The following TRIM67 variants were observed in gnomAD, a reference collection of about 807,000 sequenced individuals.
TRIM67 encodes tripartite motif containing 67, also known as tripartite motif-containing protein 67.
In TRIM67, 39 loss-of-function variants were observed where a neutral mutation model predicts 71.0. That is an observed-to-expected ratio of 0.55 (90% confidence interval 0.43 to 0.72). The LOEUF (loss-of-function observed/expected upper bound fraction) is 0.72. TRIM67 is among the 30% of genes least tolerant of loss of function. TRIM67 has a pLI of 0.00. For missense variants in TRIM67, 973 were observed against 1,079.2 expected, an observed-to-expected ratio of 0.90 and a Z score of 1.38; for synonymous variants, 481 against 473.9, an observed-to-expected ratio of 1.01 and a Z score of -0.19.
intron 1 of TRIM67, among the ~76,000 whole-genome samples, chr1:231,179,952 G>A (rs565670640): frequency 8.2e-4 from 125 of 152,244 alleles, no homozygotes; most frequent in African/African-American, 2.8e-3. Flanking sequence ...GAGATGGCAG[G>A]TTTCAAAGGG....
At chr1:231,202,749 G>T (rs1305087298) in intron 5 of TRIM67, among the ~76,000 whole-genome samples, 1 of 152,202 alleles carries the variant, frequency 6.6e-6, no homozygotes, top group African/African-American at 2.4e-5. Flanking sequence ...CTCCAGGAAG[G>T]TCTGGAAAGG....
chr1:231,182,692 C>A (rs1682939419), intron 1 of TRIM67, among the ~76,000 whole-genome samples: 2 of 152,162 alleles, frequency 1.3e-5, no homozygotes, highest in African/African-American at 4.8e-5. Context: ...AGGGTGGGTA[C>A]CGGCTCTGCC....
In TRIM67 at chr1:231,217,403, C is replaced by A. The variant is rs1382899255; in HGVS notation, c.*1963C>A. ...GGTGGTGACACACAAGACCTGGGAC[C>A]CTGTGTCCTTGCCCGCACCTCTGCC... On this transcript the variant is annotated 3_prime_UTR_variant, in exon 10 of 10. Transcript: ENST00000366653. 2.8e-5 allele frequency: 28 copies of A among 987,258 alleles called. No individual in the cohort carries two copies. The highest frequency in any genetic ancestry group is 3.2e-5 in the Non-Finnish European group (27 of 831,300). 61.2% of individuals were successfully genotyped at this position (987,258 alleles called of 1,614,324 possible). A position where few individuals can be genotyped will look rare whatever the true frequency, so the allele number is the denominator to read the frequency against.
At chr1:231,208,003 C>G (rs1397786216) in intron 7 of TRIM67, among the ~76,000 whole-genome samples, 2 of 149,794 alleles carry the variant, frequency 1.3e-5, no homozygotes, top group Non-Finnish European at 2.9e-5. Context: ...TCGATTTCCT[C>G]CTGTACTTTT....
chr1:231,217,631 G>T lies in TRIM67; in HGVS notation c.*2191G>T, dbSNP rs915582005. On this transcript the variant is annotated 3_prime_UTR_variant, in exon 10 of 10. Transcript: ENST00000366653. ...ACACCCTGCCCCCAGAATGAGAGTG[G>T]GCTAGGCAGGGCTGCCTGGTGACAG... The T allele has an allele frequency of 6.1e-6, 7 of 1,142,780 alleles. No individual in the cohort carries two copies. The highest frequency in any genetic ancestry group is 5.5e-6 in the Non-Finnish European group (5 of 915,402). The allele number at this position is 1,142,780 out of a possible 1,614,324, so 70.8% of individuals were successfully genotyped here.
chr1:231,170,800 G>T (rs1355480840), intron 1 of TRIM67, among the ~76,000 whole-genome samples: 1 of 152,098 alleles, frequency 6.6e-6, no homozygotes, highest in African/African-American at 2.4e-5. Flanking sequence ...AGAGTTGAGT[G>T]GTTGCAACAG....
intron 1 of TRIM67, among the ~76,000 whole-genome samples, chr1:231,183,004 C>G (rs1682948887): frequency 6.6e-6 from 1 of 152,150 alleles, no homozygotes; most frequent in East Asian, 1.9e-4. Flanking sequence ...ACTTAAAATT[C>G]ACTGTTAACA....
chr1:231,191,458 G>A (rs554370207), intron 1 of TRIM67, among the ~76,000 whole-genome samples: 206 of 152,322 alleles, frequency 1.4e-3, no homozygotes, highest in African/African-American at 4.6e-3. Flanking sequence ...CCGCGGACTG[G>A]CAAGGGGTGT....
At chr1:231,173,953 T>G (rs1442749690) in intron 1 of TRIM67, among the ~76,000 whole-genome samples, 2 of 152,162 alleles carry the variant, frequency 1.3e-5, no homozygotes, top group African/African-American at 2.4e-5. Context: ...CTGAGCTTCT[T>G]GGACTTTTGG....
chr1:231,214,018 C>T lies in TRIM67; in HGVS notation c.2286+41C>T, dbSNP rs748592460. The T allele has an allele frequency of 3.1e-5, 48 of 1,560,428 alleles. No homozygotes were observed. The East Asian group carries it at 9.6e-4, about 31-fold the overall frequency. The stretch of plus-strand genomic sequence containing the variant: ...GGGCCGGACCTGGTCTGGCTGCTCC[C>T]AACTGTTTGCCACAGGTCTCTGCAG... On this transcript the variant is annotated intron_variant, in intron 9 of 9. Transcript: ENST00000366653.
At chr1:231,210,597 C>T (rs1683840006) in intron 8 of TRIM67, among the ~76,000 whole-genome samples, 1 of 151,380 alleles carries the variant, frequency 6.6e-6, no homozygotes, top group South Asian at 2.1e-4. Flanking sequence ...CAAACTGGCA[C>T]CCAGATACCC....
At chr1:231,208,051 C>A (rs1422730004) in intron 7 of TRIM67, among the ~76,000 whole-genome samples, 1 of 151,052 alleles carries the variant, frequency 6.6e-6, no homozygotes, top group Non-Finnish European at 1.5e-5. Context: ...ACTCTGTTGC[C>A]CAGGCTGGAG....
In TRIM67 at chr1:231,216,122, C is replaced by G; in HGVS notation, c.*682C>G. The stretch of plus-strand genomic sequence containing the variant: ...AATTGTGTTCTCTCTCTCTCTTCCT[C>G]CATCCTTCATTTCTTCTCCCTCCCT... On this transcript the variant is annotated 3_prime_UTR_variant, in exon 10 of 10. Coordinates refer to ENST00000366653, the MANE Select transcript of TRIM67 (RefSeq NM_001004342.5). 1 of 984,446 alleles carries G rather than the reference C, an allele frequency of 1.0e-6. No homozygotes were observed. Among genetic ancestry groups the G allele is most frequent in the Non-Finnish European group, 1.2e-6 (1 of 829,128 alleles). 61.0% of individuals were successfully genotyped at this position (984,446 alleles called of 1,614,324 possible).
At position 231,216,357 on chromosome 1, in the gene TRIM67, C is replaced by T. The variant is rs1323157991; in HGVS notation, c.*917C>T. On this transcript the variant is annotated 3_prime_UTR_variant, in exon 10 of 10. Coordinates refer to ENST00000366653, the MANE Select transcript of TRIM67 (RefSeq NM_001004342.5). The stretch of plus-strand genomic sequence containing the variant: ...TCACTCAGTTCTTAGTTCTTAAATC[C>T]ACGTGAAAACACAAGAATTTTAACA... The T allele has an allele frequency of 2.0e-6, 2 of 985,282 alleles. No homozygotes were observed. Among genetic ancestry groups the T allele is most frequent in the Non-Finnish European group, 1.2e-6 (1 of 829,932 alleles). The allele number at this position is 985,282 out of a possible 1,614,324, so 61.0% of individuals were successfully genotyped here.
chr1:231,162,695 C>T lies in TRIM67; in HGVS notation c.-275C>T. The T allele has an allele frequency of 2.2e-6, 1 of 463,934 alleles. No homozygotes were observed. Among genetic ancestry groups the T allele is most frequent in the East Asian group, 4.1e-5 (1 of 24,564 alleles). 28.7% of individuals were successfully genotyped at this position (463,934 alleles called of 1,614,324 possible). On this transcript the variant is annotated 5_prime_UTR_variant, in exon 1 of 10. Coordinates refer to ENST00000366653, the MANE Select transcript of TRIM67 (RefSeq NM_001004342.5). Reference sequence around the variant, plus strand: ...GCAGGCCACCGCGAGGGCAGCCGACCGGCTCCGGAATCTGGCCGCAGGTTG... The same window carrying T: ...GCAGGCCACCGCGAGGGCAGCCGACTGGCTCCGGAATCTGGCCGCAGGTTG...
intron 1 of TRIM67, chr1:231,185,032 A>G (rs1260219661): frequency 3.9e-6 from 6 of 1,532,964 alleles, no homozygotes; most frequent in Non-Finnish European, 5.2e-6. Flanking sequence ...TTCTGCTTGC[A>G]GGGCCTAGGC....
intron 1 of TRIM67, among the ~76,000 whole-genome samples, chr1:231,192,568 A>G (rs1379859651): frequency 2.6e-5 from 4 of 152,232 alleles, no homozygotes; most frequent in African/African-American, 4.8e-5. Context: ...GATTTCCACA[A>G]TGCTATTCCC....
In TRIM67 at chr1:231,206,660, C is replaced by T. The variant is rs1005929824; in HGVS notation, c.1689C>T (p.Tyr563=). The T allele has an allele frequency of 3.7e-6, 6 of 1,600,452 alleles. No individual in the cohort carries two copies. The highest frequency in any genetic ancestry group is 2.3e-5 in the East Asian group (1 of 44,074). Residue 563 remains tyrosine, a synonymous_variant, in exon 7 of 10, where the codon TAC becomes TAT. Coordinates refer to ENST00000366653, the MANE Select transcript of TRIM67 (RefSeq NM_001004342.5). ...DGAGGQFREV[Y]VGKETLCTID... is the part of the protein sequence containing the mutation. The stretch of plus-strand genomic sequence containing the variant: ...GCATTGCTCTCTTTCAGGAAGTGTA[C>T]GTCGGTAAGGAGACTTTGTGTACCA...
chr1:231,169,368 C>T (rs1480655607), intron 1 of TRIM67, among the ~76,000 whole-genome samples: 2 of 81,664 alleles, frequency 2.4e-5, no homozygotes, highest in Non-Finnish European at 4.5e-5. Flanking sequence ...ATTCTTTTCT[C>T]TTTTTTTTTT....
Sources: gnomAD v4.1 joint callset for allele counts (sites outside exome capture counted in the v4.1 genomes callset) on GRCh38, gnomAD v4.1.1 for gene constraint, MANE v1.5 for transcripts, NCBI Gene and HGNC (gene_info 2026-07-23, HGNC 2026-07-21) for gene names.